PRKCA: variants seen among roughly 807,000 people sequenced by gnomAD.
The protein encoded by PRKCA is protein kinase C alpha type.
In PRKCA, 27 loss-of-function variants were observed where a neutral mutation model predicts 87.0. That is an observed-to-expected ratio of 0.31 (90% CI 0.23 to 0.43). The LOEUF is 0.43. PRKCA is among the 20% of genes least tolerant of loss of function. The pLI is 1.00. For missense variants in PRKCA, 518 were observed against 852.3 expected (o/e 0.61, Z 4.88); for synonymous variants, 329 against 311.1 (o/e 1.06, Z -0.61).
chr17:66,551,775 T>TTATA (rs149422490), intron 3 of PRKCA, among the ~76,000 whole-genome samples: 2 of 151,710 alleles, frequency 1.3e-5, no homozygotes, highest in Non-Finnish European at 2.9e-5. Context: ...GAATCCTAAT[T>TTATA]TATATATATA....
chr17:66,546,090 C>A, intron 3 of PRKCA, among the ~76,000 whole-genome samples: 1 of 152,140 alleles, frequency 6.6e-6, no homozygotes, highest in East Asian at 1.9e-4. Context: ...GTAGTCTGGT[C>A]CTTTTTTATC....
chr17:66,642,162 C>T (rs1371759996), intron 4 of PRKCA, among the ~76,000 whole-genome samples: 1 of 151,742 alleles, frequency 6.6e-6, no homozygotes, highest in Non-Finnish European at 1.5e-5. Context: ...CGGAGTCTCA[C>T]TCTGTCACCC....
chr17:66,335,589 A>C (rs866323516), intron 2 of PRKCA, among the ~76,000 whole-genome samples: 40 of 140,454 alleles, frequency 2.8e-4, no homozygotes, highest in South Asian at 4.6e-4. Context: ...CCCACTGCCC[A>C]AAAAAAAAAA....
At chr17:66,497,859 A>G (rs1291676372) in intron 3 of PRKCA, among the ~76,000 whole-genome samples, 1 of 152,336 alleles carries the variant, frequency 6.6e-6, no homozygotes, top group South Asian at 2.1e-4. Flanking sequence ...ACAAGTAAGA[A>G]GGAAGTTACT....
chr17:66,755,679 A>G (rs1305041599), intron 13 of PRKCA, among the ~76,000 whole-genome samples: 1 of 152,230 alleles, frequency 6.6e-6, no homozygotes, highest in Non-Finnish European at 1.5e-5. Flanking sequence ...TTTTCTGCAC[A>G]GAAAAAGTAC....
chr17:66,369,495 A>G (rs932762182), intron 2 of PRKCA, among the ~76,000 whole-genome samples: 1 of 152,188 alleles, frequency 6.6e-6, no homozygotes, highest in Non-Finnish European at 1.5e-5. Flanking sequence ...CTTCAGCTAG[A>G]TGTTGATCAG....
At chr17:66,313,484 T>G (rs1441406772) in intron 2 of PRKCA, among the ~76,000 whole-genome samples, 1 of 152,240 alleles carries the variant, frequency 6.6e-6, no homozygotes, top group Non-Finnish European at 1.5e-5. Flanking sequence ...ATGTGTCTTC[T>G]TTCTATCTTT....
At chr17:66,609,755 C>A (rs1256333581) in intron 3 of PRKCA, among the ~76,000 whole-genome samples, 1 of 151,796 alleles carries the variant, frequency 6.6e-6, no homozygotes, top group South Asian at 2.1e-4. Context: ...ACTGGGGCTA[C>A]CATGGCTTTT....
At chr17:66,677,443 C>G (rs1054616895) in intron 5 of PRKCA, 3 of 152,234 alleles carry the variant, frequency 2.0e-5, no homozygotes, top group African/African-American at 7.2e-5. Context: ...TCGTCCGTGT[C>G]TGCTTTCGCT....
intron 2 of PRKCA, among the ~76,000 whole-genome samples, chr17:66,490,932 AAT>A (rs1392638518): frequency 6.6e-6 from 1 of 152,288 alleles, no homozygotes; most frequent in African/African-American, 2.4e-5. Context: ...CTGTTTCTGA[AAT>A]ATACTTTCGA....
At chr17:66,417,012 C>T (rs958824739) in intron 2 of PRKCA, among the ~76,000 whole-genome samples, 1 of 152,160 alleles carries the variant, frequency 6.6e-6, no homozygotes, top group Non-Finnish European at 1.5e-5. Flanking sequence ...GATTCTCCTG[C>T]CTCAGTCTCC....
intron 8 of PRKCA, among the ~76,000 whole-genome samples, chr17:66,693,783 C>A (rs1379363142): frequency 6.6e-6 from 1 of 152,192 alleles, no homozygotes; most frequent in African/African-American, 2.4e-5. Context: ...TCTGCCGTTG[C>A]AGCTCAAAAG....
chr17:66,534,305 T>C (rs1159488679), intron 3 of PRKCA, among the ~76,000 whole-genome samples: 1 of 152,136 alleles, frequency 6.6e-6, no homozygotes, highest in African/African-American at 2.4e-5. Flanking sequence ...GTATTTCATA[T>C]CTGATGAAGG....
chr17:66,571,822 G>A (rs190965256), intron 3 of PRKCA, among the ~76,000 whole-genome samples: 1 of 152,212 alleles, frequency 6.6e-6, no homozygotes, highest in East Asian at 1.9e-4. Flanking sequence ...AAAATGGGTG[G>A]TAGATCTTAC....
intron 2 of PRKCA, among the ~76,000 whole-genome samples, chr17:66,449,705 G>A (rs1285941246): frequency 6.6e-6 from 1 of 152,188 alleles, no homozygotes; most frequent in African/African-American, 2.4e-5. Flanking sequence ...CCAGGACAGG[G>A]GGCTGGCTTC....
intron 2 of PRKCA, among the ~76,000 whole-genome samples, chr17:66,477,140 A>C (rs1002402480): frequency 5.3e-5 from 8 of 152,184 alleles, no homozygotes; most frequent in African/African-American, 1.9e-4. Context: ...CACTTGGGAA[A>C]CATAAATGCC....
At chr17:66,419,421 A>AGG (rs2143784174) in intron 2 of PRKCA, among the ~76,000 whole-genome samples, 1 of 152,338 alleles carries the variant, frequency 6.6e-6, no homozygotes, top group African/African-American at 2.4e-5. Context: ...TGTTATTTTA[A>AGG]GGTTATATGT....
intron 5 of PRKCA, among the ~76,000 whole-genome samples, chr17:66,663,208 A>G (rs1030459955): frequency 6.6e-6 from 1 of 152,208 alleles, no homozygotes; most frequent in Non-Finnish European, 1.5e-5. Flanking sequence ...TCAAAGGTTC[A>G]TGCGCCTTGT....
chr17:66,622,056 A>AAC (rs1441887127), intron 3 of PRKCA, among the ~76,000 whole-genome samples: 1 of 95,930 alleles, frequency 1.0e-5, no homozygotes, highest in Non-Finnish European at 2.3e-5. Flanking sequence ...ACAACAACAA[A>AAC]CAGCTAGCCA....
Sources: allele counts gnomAD v4.1 joint callset (sites outside exome capture counted in the v4.1 genomes callset), GRCh38; gene constraint gnomAD v4.1.1; transcripts MANE v1.5; gene names NCBI Gene and HGNC (gene_info 2026-07-23, HGNC 2026-07-21).